COL1A2: variants seen among roughly 807,000 people sequenced by gnomAD.
COL1A2 encodes the protein collagen alpha-2(I) chain.
In COL1A2, 49 loss-of-function variants were observed where a neutral mutation model predicts 174.3. The observed-to-expected ratio is 0.28, with a 90% CI of 0.22 to 0.36. The LOEUF (loss-of-function observed/expected upper bound fraction) is 0.36. Ranked by LOEUF, COL1A2 falls within the 10% of genes least tolerant of loss-of-function variation. COL1A2 has a pLI of 1.00. For synonymous variants in COL1A2, 655 were observed against 606.6 expected (o/e 1.08, Z -1.17); for missense variants, 1,438 against 1,822.7 (o/e 0.79, Z 3.84).
At chr7:94,414,378 C>A in intron 29 of COL1A2, 103 bp downstream of exon 29, 1 of 1,070,054 alleles carries the variant, frequency 9.3e-7, no homozygotes, top group South Asian at 1.3e-5. Flanking sequence ...AAGAAAATTT[C>A]GTATTTCATA....
intron 34 of COL1A2, 129 bp from the exon 35 acceptor site, chr7:94,420,104 G>A (rs1020980565): frequency 5.1e-6 from 6 of 1,184,366 alleles, no homozygotes; most frequent in Admixed American, 1.7e-5. Flanking sequence ...TACTCTGTGA[G>A]ATGTGCGTCA....
chr7:94,427,222 A>T lies in COL1A2; in HGVS notation c.3194A>T (p.Asp1065Val). Residue 1065 changes from aspartate to valine, a missense_variant, in exon 48 of 52, where the codon GAT becomes GTT. Asp to Val is a radical substitution (Grantham distance 152, BLOSUM62 -3). Transcript: ENST00000297268. ...GGTCCTTCTGGCCCTGCTGGAAAAG[A>T]TGGTCGCACTGGACATCCTGGTACA... The part of the protein sequence containing the change: ...PAGPSGPAGK[D>V]GRTGHPGTVG... 1 of 1,613,890 alleles carries T rather than the reference A, an allele frequency of 6.2e-7. No individual in the cohort carries two copies. Among genetic ancestry groups the T allele is most frequent in the Non-Finnish European group, 8.5e-7 (1 of 1,179,948 alleles).
At chr7:94,400,092 C>A in intron 4 of COL1A2, 104 bp from the exon 5 acceptor site, 1 of 1,008,144 alleles carries the variant, frequency 9.9e-7, no homozygotes, top group Non-Finnish European at 1.6e-6. Flanking sequence ...AATTTCCACC[C>A]TACTTGCACA....
chr7:94,429,216 C>A lies in COL1A2; in HGVS notation c.3740C>A (p.Ser1247Tyr), dbSNP rs763721360. ...QFEYNVEGVT[S>Y]KEMATQLAFM... ...GAATATAATGTAGAAGGAGTGACTT[C>A]CAAGGAAATGGCTACCCAACTTGCC... The change falls in exon 51 of 52, where the codon TCC becomes TAC. Residue 1247 changes from serine to tyrosine, a missense_variant. Physicochemically the swap from Ser to Tyr is moderately radical, Grantham distance 144. Around this residue, in one of 3 missense-constraint regions of COL1A2, gnomAD observed 290 missense variants for 298.1 expected, o/e 0.97. Coordinates refer to ENST00000297268, the MANE Select transcript of COL1A2 (RefSeq NM_000089.4). 118 of 1,611,716 alleles carry A rather than the reference C, an allele frequency of 7.3e-5. No individual in the cohort carries two copies. In the South Asian group the frequency reaches 1.2e-3, roughly 17 times the overall value.
chr7:94,400,211 C>T lies in COL1A2; in HGVS notation c.148C>T (p.Pro50Ser), dbSNP rs879344129. The stretch of plus-strand genomic sequence containing the variant: ...TACATAACAGGGTCCACCAGGCCCC[C>T]CAGGCAGAGATGGTGAAGATGGTCC... ...PRGERGPPGPPGRDGEDGPTG... is the reference protein window; with the variant it reads ...PRGERGPPGPSGRDGEDGPTG... Residue 50 changes from proline to serine, a missense_variant, in exon 5 of 52, where the codon CCA (proline) becomes TCA (serine). Coordinates refer to ENST00000297268, the MANE Select transcript of COL1A2 (RefSeq NM_000089.4). 1.2e-5 allele frequency: 19 copies of T among 1,613,384 alleles called. No homozygotes were observed. In the African/African-American group the frequency reaches 2.0e-4, roughly 17 times the overall value.
intron 1 of COL1A2, 80 bp from the exon 2 acceptor site, chr7:94,397,668 C>G: frequency 3.8e-6 from 3 of 799,612 alleles, no homozygotes; most frequent in Non-Finnish European, 6.3e-6. Context: ...AAACTTGTTT[C>G]TCTATTTGTT....
chr7:94,401,908 T>C (rs1161844878), intron 6 of COL1A2, among the ~76,000 whole-genome samples: 7 of 152,130 alleles, frequency 4.6e-5, no homozygotes, highest in Non-Finnish European at 1.0e-4. Flanking sequence ...TCTTTGGACA[T>C]AGTAACCATA....
chr7:94,395,335 C>A (rs1398885131), intron 1 of COL1A2: 3 of 602,280 alleles, frequency 5.0e-6, no homozygotes, highest in Non-Finnish European at 9.2e-6. Context: ...CAGAGTGAGA[C>A]AGTTAACTCG....
chr7:94,427,776 G>T lies in COL1A2; in HGVS notation c.3417G>T (p.Leu1139=). 1.9e-6 allele frequency: 3 copies of T among 1,614,102 alleles called. No individual in the cohort carries two copies. The South Asian group carries it at 3.3e-5, about 18-fold the overall frequency. The change falls in exon 49 of 52, where the codon CTG becomes CTT. Residue 1139 remains leucine (L), a synonymous_variant. Transcript: ENST00000297268. The part of the protein sequence containing the change: ...RPKDYEVDAT[L]KSLNNQIETL... ...AGGACTATGAAGTTGATGCTACTCT[G>T]AAGTCTCTCAACAACCAGATTGAGA...
intron 13 of COL1A2, 88 bp from the exon 14 acceptor site, chr7:94,408,095 C>T (rs995128863): frequency 1.5e-4 from 209 of 1,403,656 alleles, no homozygotes; most frequent in Middle Eastern, 5.9e-4. Flanking sequence ...TATTCTTGTA[C>T]AGGTTGGAAA....
intron 12 of COL1A2, 22 bp from the exon 13 acceptor site, chr7:94,407,825 A>C: frequency 1.2e-6 from 2 of 1,612,594 alleles, no homozygotes; most frequent in Non-Finnish European, 1.7e-6. Context: ...AATGAACAAA[A>C]ACTCAATCCT....
chr7:94,404,974 A>G, intron 9 of COL1A2, 82 bp downstream of exon 9: 2 of 1,515,010 alleles, frequency 1.3e-6, no homozygotes, highest in African/African-American at 1.4e-5. Flanking sequence ...CAAATTAAGT[A>G]TTCTGCCAAA....
rs757914792 is a variant in COL1A2, at chr7:94,427,885, G to A, written c.3526G>A (p.Gly1176Ser). 6.2e-7 allele frequency: 1 copy of A among 1,613,930 alleles called. No homozygotes were observed. Among genetic ancestry groups the A allele is most frequent in the South Asian group, 1.1e-5 (1 of 91,060 alleles). Residue 1176 changes from glycine (G) to serine (S), a missense_variant and splice_region_variant, in exon 49 of 52, where the codon GGT (glycine) becomes AGT (serine). Transcript: ENST00000297268. ...ACTCAGCCACCCAGAGTGGAGCAGT[G>A]GTAGGTCAAGATGTCCAGACCAGAC... ...LRLSHPEWSSGYYWIDPNQGC... is the reference protein window; with the variant it reads ...LRLSHPEWSSSYYWIDPNQGC...
Position 94,420,245 on chromosome 7 carries a change from G to A in COL1A2, c.2092G>A (p.Ala698Thr), listed in dbSNP as rs772186152. 2.5e-6 allele frequency: 4 copies of A among 1,613,568 alleles called. No individual in the cohort carries two copies. The highest frequency in any genetic ancestry group is 3.4e-6 in the Non-Finnish European group (4 of 1,180,034). The change falls in exon 35 of 52, where the codon GCT becomes ACT. Residue 698 changes from alanine (A) to threonine (T), a missense_variant. Transcript: ENST00000297268. ...GGTCCCATTATAGGGCGAAGCTGGG[G>A]CTGCTGGTCCTGCTGGTCCTGCTGG... Reference protein sequence around the residue: ...GATGDRGEAGAAGPAGPAGPR... With the variant: ...GATGDRGEAGTAGPAGPAGPR...
chr7:94,425,504 T>A, intron 42 of COL1A2, 106 bp from the exon 43 acceptor site: 1 of 1,171,292 alleles, frequency 8.5e-7, no homozygotes, highest in Non-Finnish European at 1.3e-6. Flanking sequence ...TGAAAGAGGG[T>A]TCGTTACTGA....
At chr7:94,401,680 C>G (rs182541012) in intron 6 of COL1A2, 60 bp downstream of exon 6, 2 of 1,200,616 alleles carry the variant, frequency 1.7e-6, no homozygotes, top group Non-Finnish European at 2.4e-6. Context: ...CATTTTATGT[C>G]ACATTTTACC....
At chr7:94,412,377 A>C (rs1218043892) in intron 24 of COL1A2, among the ~76,000 whole-genome samples, 1 of 151,630 alleles carries the variant, frequency 6.6e-6, no homozygotes, top group Non-Finnish European at 1.5e-5. Flanking sequence ...GGAATGAGGG[A>C]AATTGCATAC....
At chr7:94,426,984 G>C in intron 46 of COL1A2, 24 bp from the exon 47 acceptor site, 1 of 1,610,336 alleles carries the variant, frequency 6.2e-7, no homozygotes, top group Non-Finnish European at 8.5e-7. Context: ...CTGAAAGTGT[G>C]ATTTTCCTCT....
At chr7:94,430,119 T>A (rs896980880) in intron 51 of COL1A2, 128 bp from the exon 52 acceptor site, 9 of 939,224 alleles carry the variant, frequency 9.6e-6, no homozygotes, top group Non-Finnish European at 1.5e-5. Context: ...GATGAACTTA[T>A]TTATCTGGGA....
Sources: allele counts gnomAD v4.1 joint callset (sites outside exome capture counted in the v4.1 genomes callset), GRCh38; gene constraint gnomAD v4.1.1; regional missense constraint gnomAD v4.1.1; transcripts MANE v1.5; gene names NCBI Gene and HGNC (gene_info 2026-07-23, HGNC 2026-07-21).